SLC30A8: variants seen among roughly 807,000 people sequenced by gnomAD.
SLC30A8 encodes proton-coupled zinc antiporter SLC30A8.
SLC30A8 carries 27 observed loss-of-function variants against 36.9 expected under a neutral mutation model. That is an observed-to-expected ratio of 0.73 (90% CI 0.54 to 1.01). The LOEUF is 1.01. SLC30A8 is among the 50% of genes least tolerant of loss of function. The pLI is 0.00. For missense variants in SLC30A8, 439 were observed against 452.0 expected, an observed-to-expected ratio of 0.97 and a Z score of 0.26; for synonymous variants, 164 against 172.4, an observed-to-expected ratio of 0.95 and a Z score of 0.38.
intron 1 of SLC30A8, among the ~76,000 whole-genome samples, chr8:117,135,800 A>G (rs1448877626): frequency 6.6e-6 from 1 of 151,958 alleles, no homozygotes; most frequent in Non-Finnish European, 1.5e-5. Context: ...TGATCTTAAA[A>G]TGAGCTGTTG....
intron 1 of SLC30A8, among the ~76,000 whole-genome samples, chr8:116,967,722 G>T (rs1447451096): frequency 6.6e-6 from 1 of 152,156 alleles, no homozygotes; most frequent in Non-Finnish European, 1.5e-5. Flanking sequence ...GTTAGAAGTG[G>T]CAATTCTTTC....
At chr8:116,961,241 A>G (rs1469304983) in intron 1 of SLC30A8, among the ~76,000 whole-genome samples, 1 of 152,138 alleles carries the variant, frequency 6.6e-6, no homozygotes, top group African/African-American at 2.4e-5. Flanking sequence ...CATCCTGGCT[A>G]ACACGGTGAA....
chr8:117,127,076 C>G (rs930767777), intron 2 of SLC30A8, among the ~76,000 whole-genome samples: 6 of 152,028 alleles, frequency 3.9e-5, no homozygotes, highest in Non-Finnish European at 8.8e-5. Context: ...ATACTGCTTT[C>G]TAGAAGAGAG....
rs57441824 is a variant in SLC30A8 at position 117,126,545 on chromosome 8, CCCATCCAT to C, written c.-225-8698_-225-8691del. ...GTACATTCCATCCATCATCCACCAA[CCCATCCAT>C]CCATCCATCCATCCATCCATCCATC... On this transcript the variant is annotated intron_variant, in intron 2 of 10. Transcript: ENST00000427715. Among the ~76,000 whole-genome samples the C allele has an allele frequency of 4.0e-3, 596 of 149,696 alleles. 4 individuals are homozygous for C. Among genetic ancestry groups the C allele is most frequent in the African/African-American group, 0.012 (474 of 40,306 alleles).
chr8:117,074,743 C>G (rs1347254149), intron 2 of SLC30A8, among the ~76,000 whole-genome samples: 2 of 152,208 alleles, frequency 1.3e-5, no homozygotes, highest in Non-Finnish European at 2.9e-5. Flanking sequence ...AATGACACCA[C>G]TGTATTTCTT....
At chr8:116,966,295 G>A (rs1230853413) in intron 1 of SLC30A8, among the ~76,000 whole-genome samples, 2 of 152,126 alleles carry the variant, frequency 1.3e-5, no homozygotes, top group Admixed American at 1.3e-4. Context: ...GAACACAGTG[G>A]ATCAGTGTGG....
intron 1 of SLC30A8, among the ~76,000 whole-genome samples, chr8:117,024,445 G>T (rs2130729486): frequency 6.6e-6 from 1 of 152,086 alleles, no homozygotes. Context: ...ACTCCTTTTG[G>T]GCGTAATCTC....
intron 1 of SLC30A8, among the ~76,000 whole-genome samples, chr8:117,028,047 T>C (rs772718828): frequency 2.0e-5 from 3 of 152,234 alleles, no homozygotes; most frequent in Non-Finnish European, 2.9e-5. Flanking sequence ...TCTAACTTTC[T>C]TGGAAATACA....
chr8:116,951,673 A>G (rs1813996576), intron 1 of SLC30A8, among the ~76,000 whole-genome samples: 2 of 151,806 alleles, frequency 1.3e-5, no homozygotes, highest in South Asian at 4.2e-4. Context: ...TTGTATTTTT[A>G]TAATTTTGCC....
intron 6 of SLC30A8, among the ~76,000 whole-genome samples, chr8:117,168,499 T>TC (rs1198905331): frequency 9.2e-5 from 14 of 152,048 alleles, no homozygotes; most frequent in South Asian, 6.2e-4. Context: ...TTTTTCAGAC[T>TC]CCCCCCCAAG....
At chr8:117,017,506 G>C (rs1325956220) in intron 1 of SLC30A8, among the ~76,000 whole-genome samples, 1 of 152,186 alleles carries the variant, frequency 6.6e-6, no homozygotes. Context: ...CATAGTTTTT[G>C]GCCCAATAGA....
Position 116,962,235 on chromosome 8 carries a change from C to T in SLC30A8, c.-266+11116C>T, listed in dbSNP as rs1041717683. Among the ~76,000 whole-genome samples, 43 of 151,936 alleles carry T rather than the reference C, an allele frequency of 2.8e-4. 1 individual carries two copies. Among genetic ancestry groups the T allele is most frequent in the Middle Eastern group, 3.4e-3 (1 of 294 alleles). ...GGCAATTAGGTTCAGTGATGGCTGCCGGCAGTGATGACTTTTGGCTTTAGG... is the reference window on the plus strand; with the variant it reads ...GGCAATTAGGTTCAGTGATGGCTGCTGGCAGTGATGACTTTTGGCTTTAGG... On this transcript the variant is annotated intron_variant, in intron 1 of 10. Coordinates refer to the SLC30A8 transcript ENST00000427715.
At chr8:117,099,324 C>T (rs1408250389) in intron 2 of SLC30A8, among the ~76,000 whole-genome samples, 1 of 152,156 alleles carries the variant, frequency 6.6e-6, no homozygotes, top group Non-Finnish European at 1.5e-5. Flanking sequence ...TCAGGTCTCA[C>T]GTCTCAGCTA....
At chr8:116,965,353 C>G (rs1024212500) in intron 1 of SLC30A8, among the ~76,000 whole-genome samples, 20 of 152,134 alleles carry the variant, frequency 1.3e-4, no homozygotes, top group Non-Finnish European at 4.4e-5. Context: ...TGAGATCTTG[C>G]TAATATACCA....
At chr8:117,073,466 G>A (rs1486550518) in intron 2 of SLC30A8, among the ~76,000 whole-genome samples, 1 of 152,006 alleles carries the variant, frequency 6.6e-6, no homozygotes, top group Non-Finnish European at 1.5e-5. Flanking sequence ...CACCATGTTG[G>A]CCAGGCTAGT....
chr8:117,089,980 A>AT (rs35697541), intron 2 of SLC30A8, among the ~76,000 whole-genome samples: 19,727 of 148,886 alleles, frequency 0.13, 1,383 homozygotes, highest in Non-Finnish European at 0.16. Flanking sequence ...ATTCCTAATA[A>AT]TTTTTTTTTT....
chr8:117,010,207 T>A (rs1168293429), intron 1 of SLC30A8, among the ~76,000 whole-genome samples: 1 of 152,200 alleles, frequency 6.6e-6, no homozygotes, highest in Non-Finnish European at 1.5e-5. Context: ...TCTTCCAAAC[T>A]GAGGCAAAGC....
chr8:117,035,806 A>G (rs982411045), intron 1 of SLC30A8, among the ~76,000 whole-genome samples: 1 of 152,224 alleles, frequency 6.6e-6, no homozygotes, highest in Non-Finnish European at 1.5e-5. Context: ...TGGAAGGCCC[A>G]GCACCACGTG....
At chr8:117,058,934 C>T (rs543141559) in intron 2 of SLC30A8, among the ~76,000 whole-genome samples, 2 of 152,148 alleles carry the variant, frequency 1.3e-5, no homozygotes, top group African/African-American at 4.8e-5. Flanking sequence ...ATTACTTAAC[C>T]CTTTCTTAAA....
Sources: allele counts gnomAD v4.1 joint callset (sites outside exome capture counted in the v4.1 genomes callset), GRCh38; gene constraint gnomAD v4.1.1; transcripts MANE v1.5; gene names NCBI Gene and HGNC (gene_info 2026-07-23, HGNC 2026-07-21).